INPP4B: variants seen among roughly 807,000 people sequenced by gnomAD.
INPP4B encodes the protein inositol polyphosphate 4-phosphatase type II.
A neutral mutation model predicts 122.5 loss-of-function variants in INPP4B; 55 were observed. The ratio of observed to expected loss-of-function variants is 0.45; its 90% CI spans 0.36 to 0.56. The LOEUF is 0.56. INPP4B is among the 20% of genes least tolerant of loss of function. The probability of loss-of-function intolerance (pLI) is 0.00; values close to 1 mark genes in which losing one functional copy is unlikely to be tolerated. For synonymous variants in INPP4B, 403 were observed against 388.7 expected, an observed-to-expected ratio of 1.04 and a Z score of -0.43; for missense variants, 1,000 against 1,097.7, an observed-to-expected ratio of 0.91 and a Z score of 1.26.
At chr4:142,570,387 A>AT (rs934756242) in intron 2 of INPP4B, among the ~76,000 whole-genome samples, 16 of 151,416 alleles carry the variant, frequency 1.1e-4, no homozygotes, top group Admixed American at 5.9e-4. Context: ...ATTTTACTGT[A>AT]TTTTTTTTTC....
At chr4:142,093,258 C>T (rs1343962881) in intron 23 of INPP4B, among the ~76,000 whole-genome samples, 1 of 152,132 alleles carries the variant, frequency 6.6e-6, no homozygotes, top group East Asian at 1.9e-4. Flanking sequence ...CTCCAGATGC[C>T]TCCAGTTCTC....
intron 2 of INPP4B, among the ~76,000 whole-genome samples, chr4:142,547,296 ATTTT>A (rs1481235055): frequency 2.6e-5 from 4 of 151,998 alleles, no homozygotes. Context: ...CTGAGATTTT[ATTTT>A]TTTAAGAATA....
At chr4:142,683,595 T>A (rs1164719159) in intron 2 of INPP4B, among the ~76,000 whole-genome samples, 2 of 151,628 alleles carry the variant, frequency 1.3e-5, no homozygotes, top group Non-Finnish European at 2.9e-5. Flanking sequence ...CTATTATGTA[T>A]CTTGCATAGG....
intron 2 of INPP4B, among the ~76,000 whole-genome samples, chr4:142,706,071 C>A (rs1762433935): frequency 6.6e-6 from 1 of 152,244 alleles, no homozygotes; most frequent in Non-Finnish European, 1.5e-5. Flanking sequence ...TCCTCCTGTC[C>A]TGTTATACTG....
intron 11 of INPP4B, among the ~76,000 whole-genome samples, chr4:142,259,727 G>A (rs1738766099): frequency 1.3e-5 from 2 of 151,632 alleles, no homozygotes; most frequent in Admixed American, 1.3e-4. Context: ...CTATACAAAA[G>A]TATTTTTTCT....
intron 1 of INPP4B, among the ~76,000 whole-genome samples, chr4:142,842,870 A>G (rs1292448079): frequency 7.2e-6 from 1 of 138,670 alleles, no homozygotes; most frequent in Non-Finnish European, 1.5e-5. Flanking sequence ...ATAATGATAT[A>G]TATAAATATA....
chr4:142,194,077 C>T (rs1561445642), intron 14 of INPP4B, among the ~76,000 whole-genome samples: 1 of 152,104 alleles, frequency 6.6e-6, no homozygotes, highest in African/African-American at 2.4e-5. Flanking sequence ...ACGAGGAAAA[C>T]ATAAATTATT....
chr4:142,275,800 T>C (rs1033866184), intron 9 of INPP4B, among the ~76,000 whole-genome samples: 3 of 151,750 alleles, frequency 2.0e-5, no homozygotes, highest in African/African-American at 7.2e-5. Context: ...TGCTCTTTTC[T>C]CAGTATAGGC....
At chr4:142,318,689 T>C (rs962312973) in intron 7 of INPP4B, among the ~76,000 whole-genome samples, 1 of 152,162 alleles carries the variant, frequency 6.6e-6, no homozygotes, top group African/African-American at 2.4e-5. Flanking sequence ...TAGAAAACCA[T>C]GTTTCCTATT....
At chr4:142,251,062 T>C (rs941051749) in intron 11 of INPP4B, among the ~76,000 whole-genome samples, 1 of 152,198 alleles carries the variant, frequency 6.6e-6, no homozygotes, top group African/African-American at 2.4e-5. Flanking sequence ...ATGGCACAAC[T>C]ATGGAGAGGT....
At chr4:142,400,474 C>T (rs192917026) in intron 7 of INPP4B, among the ~76,000 whole-genome samples, 1 of 152,118 alleles carries the variant, frequency 6.6e-6, no homozygotes, top group African/African-American at 2.4e-5. Context: ...TACTTTAAGC[C>T]ACTTGCTGCC....
chr4:142,327,091 G>A (rs1324731492), intron 7 of INPP4B, among the ~76,000 whole-genome samples: 2 of 152,020 alleles, frequency 1.3e-5, no homozygotes, highest in Non-Finnish European at 2.9e-5. Flanking sequence ...AATAGAAACA[G>A]ACACAATTTA....
At chr4:142,309,831 G>A (rs1459546960) in intron 8 of INPP4B, among the ~76,000 whole-genome samples, 1 of 152,208 alleles carries the variant, frequency 6.6e-6, no homozygotes, top group South Asian at 2.1e-4. Context: ...CCTAGCTGGA[G>A]AGTAATATCA....
intron 2 of INPP4B, among the ~76,000 whole-genome samples, chr4:142,522,899 G>A (rs1271373476): frequency 6.6e-6 from 1 of 152,096 alleles, no homozygotes; most frequent in African/African-American, 2.4e-5. Flanking sequence ...ACAGTAACTT[G>A]CATGTAAAGG....
chr4:142,191,925 A>G (rs1410881130), intron 15 of INPP4B, among the ~76,000 whole-genome samples: 1 of 152,174 alleles, frequency 6.6e-6, no homozygotes, highest in African/African-American at 2.4e-5. Flanking sequence ...ATATATTTGT[A>G]TAATAGTAAG....
At chr4:142,662,325 C>A (rs540990043) in intron 2 of INPP4B, among the ~76,000 whole-genome samples, 1 of 152,186 alleles carries the variant, frequency 6.6e-6, no homozygotes, top group East Asian at 1.9e-4. Context: ...AAACTCTGCA[C>A]AATCTTAATG....
At chr4:142,237,786 T>C in intron 12 of INPP4B, 78 bp downstream of exon 12, 2 of 812,888 alleles carry the variant, frequency 2.5e-6, no homozygotes, top group Non-Finnish European at 3.7e-6. Flanking sequence ...TTGCACAGAT[T>C]ATATATAATT....
At chr4:142,274,638 T>A (rs1450663849) in intron 9 of INPP4B, among the ~76,000 whole-genome samples, 1 of 152,016 alleles carries the variant, frequency 6.6e-6, no homozygotes, top group South Asian at 2.1e-4. Context: ...ATAGCAATTA[T>A]GACATTGGAT....
chr4:142,744,080 G>T (rs188380911), intron 1 of INPP4B, among the ~76,000 whole-genome samples: 193 of 151,986 alleles, frequency 1.3e-3, no homozygotes, highest in African/African-American at 4.4e-3. Flanking sequence ...GGAAAATATA[G>T]TCTTAATGAA....
Sources: allele counts gnomAD v4.1 joint callset (sites outside exome capture counted in the v4.1 genomes callset), GRCh38; gene constraint gnomAD v4.1.1; transcripts MANE v1.5; gene names NCBI Gene and HGNC (gene_info 2026-07-23, HGNC 2026-07-21).